The following RPN1 variants were observed in gnomAD, a reference collection of about 807,000 sequenced individuals.
RPN1 encodes ribophorin I, also known as dolichyl-diphosphooligosaccharide--protein glycosyltransferase subunit 1.
Under a neutral mutation model 55.5 loss-of-function variants are expected in RPN1, and 12 were observed. The observed-to-expected ratio is 0.22, with a 90% CI of 0.14 to 0.35. RPN1 has a LOEUF of 0.35. RPN1 is among the 10% of genes least tolerant of loss of function. The pLI is 1.00. For missense variants in RPN1, 679 were observed against 761.3 expected (o/e 0.89, Z 1.27); for synonymous variants, 317 against 305.9 (o/e 1.04, Z -0.38).
At chr3:128,641,147 C>G (rs1356883917) in intron 2 of RPN1, 1 of 151,428 alleles carries the variant, frequency 6.6e-6, no homozygotes, top group East Asian at 1.9e-4. Flanking sequence ...AATGGGAGAA[C>G]ATTGTGTGAA....
chr3:128,643,093 A>G (rs9841041), intron 2 of RPN1, among the ~76,000 whole-genome samples: 93,205 of 151,316 alleles, frequency 0.62, 28,803 homozygotes, highest in East Asian at 0.77. Context: ...TTGGGAGGCC[A>G]AGACGGGCAG....
intron 1 of RPN1, among the ~76,000 whole-genome samples, chr3:128,645,199 C>T (rs1242325598): frequency 6.6e-6 from 1 of 152,118 alleles, no homozygotes; most frequent in African/African-American, 2.4e-5. Flanking sequence ...TGGCCAGGCG[C>T]AGGGGCTCAC....
chr3:128,626,547 G>T (rs1175334757), intron 6 of RPN1, among the ~76,000 whole-genome samples, 186 bp downstream of exon 6: 2 of 152,150 alleles, frequency 1.3e-5, no homozygotes, highest in Non-Finnish European at 2.9e-5. Flanking sequence ...AAATCAAGGG[G>T]TCTCTCATTC....
chr3:128,644,228 T>G (rs2069750046), intron 2 of RPN1, among the ~76,000 whole-genome samples: 1 of 152,184 alleles, frequency 6.6e-6, no homozygotes. Flanking sequence ...ATATAGAAAG[T>G]AACTACTTTC....
Position 128,630,160 on chromosome 3 carries a change from A to G in RPN1, c.844-17T>C. On this transcript the variant is annotated splice_polypyrimidine_tract_variant and intron_variant, in intron 4 of 9. Coordinates refer to ENST00000296255, the MANE Select transcript of RPN1 (RefSeq NM_002950.4). The stretch of plus-strand genomic sequence containing the variant: ...AAGGATGGTCTGCAAGAGAGTGGAT[A>G]TGCCCTTCTAAAACTCCAGGAACCA... 2 of 1,583,104 alleles carry G rather than the reference A, an allele frequency of 1.3e-6. No individual in the cohort carries two copies. Among genetic ancestry groups the G allele is most frequent in the Non-Finnish European group, 1.7e-6 (2 of 1,157,800 alleles).
chr3:128,620,493 G>GT lies in RPN1; in HGVS notation c.1741dup (p.Thr581AsnfsTer4). ...GATGAGCTTCTCATTCTCAATGTACGTGTCTTTCTTGAGCTTGCCAGCCAC... is the reference window on the plus strand; with the variant it reads ...GATGAGCTTCTCATTCTCAATGTACGTTGTCTTTCTTGAGCTTGCCAGCCAC... On this transcript the variant is annotated frameshift_variant, in exon 10 of 10. Transcript: ENST00000296255. LOFTEE classifies it high-confidence loss of function. 1 of 1,614,164 alleles carries GT rather than the reference G, an allele frequency of 6.2e-7. No individual in the cohort carries two copies. The highest frequency in any genetic ancestry group is 8.5e-7 in the Non-Finnish European group (1 of 1,180,010).
chr3:128,630,307 G>C (rs909415702), intron 4 of RPN1, among the ~76,000 whole-genome samples, 164 bp from the exon 5 acceptor site: 1 of 152,114 alleles, frequency 6.6e-6, no homozygotes, highest in Non-Finnish European at 1.5e-5. Flanking sequence ...TCCCCACAAA[G>C]GTTTGCGTCG....
At chr3:128,629,104 T>A (rs1175240311) in intron 5 of RPN1, among the ~76,000 whole-genome samples, 1 of 151,566 alleles carries the variant, frequency 6.6e-6, no homozygotes, top group East Asian at 1.9e-4. Context: ...GCAATGACTT[T>A]GAGAAGGAAG....
Position 128,637,809 on chromosome 3 carries a change from G to A in RPN1, c.623C>T (p.Ala208Val). ...LDYGPFRDVP[A>V]YSQDTFKVHY... is the part of the protein sequence containing the mutation. ...TCCACCTGAGCTTACCTGACTATAG[G>A]CAGGCACATCTCTGAAAGGCCCATA... Residue 208 changes from alanine (A) to valine (V), a missense_variant, in exon 3 of 10, where the codon GCC (alanine) becomes GTC (valine). Physicochemically the swap from Ala to Val is moderately conservative, Grantham distance 64. This residue lies in a region of RPN1 where 352 missense variants were observed against 352.8 expected (regional missense o/e 1.00). Coordinates refer to ENST00000296255, the MANE Select transcript of RPN1 (RefSeq NM_002950.4). 1 of 1,611,728 alleles carries A rather than the reference G, an allele frequency of 6.2e-7. No homozygotes were observed. The highest frequency in any genetic ancestry group is 8.5e-7 in the Non-Finnish European group (1 of 1,179,278).
chr3:128,640,257 C>T (rs2069715457), intron 2 of RPN1, among the ~76,000 whole-genome samples: 2 of 152,068 alleles, frequency 1.3e-5, no homozygotes, highest in South Asian at 2.1e-4. Flanking sequence ...TTTTCCAAGC[C>T]AGGAGAACAA....
intron 3 of RPN1, among the ~76,000 whole-genome samples, chr3:128,633,225 T>C (rs182823533): frequency 3.9e-5 from 6 of 152,026 alleles, no homozygotes; most frequent in Admixed American, 1.3e-4. Flanking sequence ...TTTCTTTTTT[T>C]TTCTTTTTTT....
rs760346309 is a variant in RPN1, at chr3:128,625,698, T to C, written c.1276-45A>G. The C allele has an allele frequency of 7.4e-6, 12 of 1,612,592 alleles. No individual in the cohort carries two copies. The South Asian group carries it at 1.3e-4, about 18-fold the overall frequency. On this transcript the variant is annotated intron_variant, in intron 7 of 9. Transcript: ENST00000296255. ...AGGCTTCATCGGGGCTGTAGGGACA[T>C]GGGAGCCTAGACTCACCCAGGCTGG...
Position 128,625,914 on chromosome 3 carries a change from T to C in RPN1, c.1235A>G (p.Tyr412Cys), listed in dbSNP as rs1231883019. The C allele has an allele frequency of 1.2e-6, 2 of 1,613,648 alleles. No individual in the cohort carries two copies. The highest frequency in any genetic ancestry group is 1.7e-6 in the Non-Finnish European group (2 of 1,179,834). The change falls in exon 7 of 10, where the codon TAC becomes TGC. Residue 412 changes from tyrosine to cysteine, a missense_variant. Physicochemically the swap from Tyr to Cys is radical, Grantham distance 194. Transcript: ENST00000296255. ...GTGCTGTTCTACCAGATTTTTCTTG[T>C]AGGCAACAATCACAGGGCGGCCAAA... Reference protein sequence around the residue: ...DTFGRPVIVAYKKNLVEQHIQ... With the variant: ...DTFGRPVIVACKKNLVEQHIQ...
chr3:128,626,275 C>T (rs1025762481), intron 6 of RPN1, among the ~76,000 whole-genome samples: 5 of 152,224 alleles, frequency 3.3e-5, no homozygotes, highest in African/African-American at 9.6e-5. Flanking sequence ...CTCACCAGTA[C>T]TGGCCCCACT....
intron 2 of RPN1, among the ~76,000 whole-genome samples, chr3:128,642,878 C>A (rs1456076224): frequency 1.3e-5 from 2 of 151,636 alleles, no homozygotes; most frequent in African/African-American, 4.9e-5. Flanking sequence ...ATTAACTGGG[C>A]GTGGTAGCAC....
chr3:128,636,566 TAAACACACAGAGAGATGC>T (rs1270524758), intron 3 of RPN1, among the ~76,000 whole-genome samples: 1 of 152,160 alleles, frequency 6.6e-6, no homozygotes, highest in Non-Finnish European at 1.5e-5. Flanking sequence ...ACACATGTTC[TAAACACACAGAGAGATGC>T]AAAGACATCT....
chr3:128,635,279 G>A (rs1000113445), intron 3 of RPN1, among the ~76,000 whole-genome samples: 4 of 151,934 alleles, frequency 2.6e-5, no homozygotes, highest in East Asian at 1.9e-4. Context: ...AAATGAATGG[G>A]AGAATTGGAA....
chr3:128,650,730 G>A lies in RPN1; in HGVS notation c.71C>T (p.Ala24Val). The change falls in exon 1 of 10, where the codon GCC (alanine) becomes GTC (valine). Residue 24 changes from alanine (A) to valine (V), a missense_variant. Ala to Val is a moderately conservative substitution (Grantham distance 64). Transcript: ENST00000296255. ...GATCAGCGGCGGTGCCTCGGAGGAG[G>A]CGCTGCCCGGCGCCGGGGCCCAAGT... ...LGTWAPAPGS[A>V]SSEAPPLINE... is the part of the protein sequence containing the mutation. 6.4e-7 allele frequency: 1 copy of A among 1,556,910 alleles called. No homozygotes were observed. The highest frequency in any genetic ancestry group is 1.2e-5 in the South Asian group (1 of 84,592).
intron 4 of RPN1, 33 bp downstream of exon 4, chr3:128,631,915 T>C (rs746502896): frequency 3.1e-6 from 5 of 1,610,406 alleles, no homozygotes; most frequent in Non-Finnish European, 3.4e-6. Context: ...AAAGTCCTCA[T>C]TTCTCACAAT....
Sources: allele counts gnomAD v4.1 joint callset (sites outside exome capture counted in the v4.1 genomes callset), GRCh38; gene constraint gnomAD v4.1.1; regional missense constraint gnomAD v4.1.1; transcripts MANE v1.5; gene names NCBI Gene and HGNC (gene_info 2026-07-23, HGNC 2026-07-21).